CDKAL1: variants seen among roughly 807,000 people sequenced by gnomAD.
CDKAL1 encodes the protein threonylcarbamoyladenosine tRNA methylthiotransferase.
In CDKAL1, 32 loss-of-function variants were observed where a neutral mutation model predicts 68.2. The observed-to-expected ratio is 0.47, with a 90% confidence interval of 0.35 to 0.63. The LOEUF (loss-of-function observed/expected upper bound fraction) is 0.63. CDKAL1 is among the 30% of genes least tolerant of loss of function. The probability of loss-of-function intolerance (pLI) is 0.00; values close to 1 mark genes in which losing one functional copy is unlikely to be tolerated. For synonymous variants in CDKAL1, 234 were observed against 244.3 expected (o/e 0.96, Z 0.39); for missense variants, 606 against 696.7 (o/e 0.87, Z 1.47).
At chr6:20,953,208 T>G (rs1581903791) in intron 9 of CDKAL1, among the ~76,000 whole-genome samples, 1 of 152,302 alleles carries the variant, frequency 6.6e-6, no homozygotes, top group Middle Eastern at 3.4e-3. Context: ...AATTTGAGGT[T>G]TCAGCCCACC....
At chr6:20,732,473 G>A (rs1581468675) in intron 5 of CDKAL1, among the ~76,000 whole-genome samples, 1 of 148,164 alleles carries the variant, frequency 6.7e-6, no homozygotes, top group Admixed American at 6.7e-5. Context: ...TTTTAGTAGA[G>A]ATCGGGTTTC....
chr6:21,193,987 A>G (rs373273110), intron 13 of CDKAL1, among the ~76,000 whole-genome samples: 1 of 152,220 alleles, frequency 6.6e-6, no homozygotes, highest in Non-Finnish European at 1.5e-5. Flanking sequence ...CAGGCAACCC[A>G]TTTAGTGAGG....
chr6:21,104,466 C>T (rs1359789782), intron 12 of CDKAL1, among the ~76,000 whole-genome samples: 2 of 151,722 alleles, frequency 1.3e-5, no homozygotes, highest in Non-Finnish European at 2.9e-5. Flanking sequence ...CTATAAAGGG[C>T]CAGATAGTAA....
At chr6:20,665,061 A>G (rs2127774319) in intron 5 of CDKAL1, among the ~76,000 whole-genome samples, 1 of 152,152 alleles carries the variant, frequency 6.6e-6, no homozygotes, top group Non-Finnish European at 1.5e-5. Flanking sequence ...GTTGTGCTGT[A>G]TAGATGGGGT....
intron 12 of CDKAL1, among the ~76,000 whole-genome samples, chr6:21,066,732 C>T (rs539579205): frequency 6.6e-6 from 1 of 152,306 alleles, no homozygotes; most frequent in South Asian, 2.1e-4. Context: ...AGCAGTCCTT[C>T]CACCTCAGCA....
At chr6:20,753,218 C>G (rs1774006151) in intron 6 of CDKAL1, among the ~76,000 whole-genome samples, 1 of 152,026 alleles carries the variant, frequency 6.6e-6, no homozygotes, top group African/African-American at 2.4e-5. Flanking sequence ...GACATTGTCT[C>G]TGTAGATTTT....
chr6:20,869,117 A>C (rs929385415), intron 9 of CDKAL1, among the ~76,000 whole-genome samples: 1 of 152,192 alleles, frequency 6.6e-6, no homozygotes, highest in African/African-American at 2.4e-5. Context: ...TCATCTGTTC[A>C]GTATCTCATC....
chr6:20,992,997 C>T (rs1181584857), intron 10 of CDKAL1, among the ~76,000 whole-genome samples: 1 of 151,818 alleles, frequency 6.6e-6, no homozygotes, highest in Non-Finnish European at 1.5e-5. Context: ...AAACAAGTCA[C>T]ATATTATATG....
chr6:20,604,767 G>A (rs115040668), intron 4 of CDKAL1, among the ~76,000 whole-genome samples: 27 of 152,364 alleles, frequency 1.8e-4, no homozygotes, highest in African/African-American at 6.3e-4. Flanking sequence ...TTTACAAGAT[G>A]TAGTATACAA....
At chr6:20,744,300 A>G (rs554117217) in intron 6 of CDKAL1, among the ~76,000 whole-genome samples, 1 of 152,342 alleles carries the variant, frequency 6.6e-6, no homozygotes, top group South Asian at 2.1e-4. Flanking sequence ...CAGTAAAAAA[A>G]GAGTAGTAGA....
intron 9 of CDKAL1, among the ~76,000 whole-genome samples, chr6:20,899,840 C>T (rs539061955): frequency 7.2e-5 from 11 of 152,232 alleles, no homozygotes; most frequent in African/African-American, 2.4e-4. Flanking sequence ...GAAACTCCGT[C>T]TCAAAAAAAC....
chr6:21,189,110 G>C (rs1778135479), intron 13 of CDKAL1, among the ~76,000 whole-genome samples: 1 of 152,296 alleles, frequency 6.6e-6, no homozygotes, highest in African/African-American at 2.4e-5. Context: ...TCTTACTGGG[G>C]TAGACACGGC....
At position 21,113,016 on chromosome 6, in the gene CDKAL1, A is replaced by G. The variant is rs1774200434; in HGVS notation, c.1299+4553A>G. 2.0e-5 allele frequency among the ~76,000 whole-genome samples: 3 copies of G among 152,214 alleles called. 1 individual carries two copies. The highest frequency in any genetic ancestry group is 6.5e-5 in the Admixed American group (1 of 15,282). ...AAAGAGGGTAGTTATTGCTTCAAAA[A>G]GTCAGAGCTCTAGTAAGAAGTGACA... On this transcript the variant is annotated intron_variant, in intron 13 of 15. Transcript: ENST00000274695.
rs745786047 is a variant in CDKAL1, at chr6:20,603,768, ATTTTTTTTTT to A, written c.287-45508_287-45499del. ...ACATTGATTAATGGGCAGTTGCTAA[ATTTTTTTTTT>A]TTTTTTTTTTTTTTTTGAGACGGAG... On this transcript the variant is annotated intron_variant, in intron 4 of 15. Transcript: ENST00000274695. 8.8e-4 allele frequency among the ~76,000 whole-genome samples: 75 copies of A among 85,224 alleles called. 1 individual carries two copies. The highest frequency in any genetic ancestry group is 3.1e-3 in the African/African-American group (66 of 21,362). 55.9% of individuals were successfully genotyped at this position (85,224 alleles called of 152,430 possible).
chr6:20,570,085 TTTA>T (rs1764635486), intron 4 of CDKAL1, among the ~76,000 whole-genome samples: 1 of 151,956 alleles, frequency 6.6e-6, no homozygotes, highest in South Asian at 2.1e-4. Context: ...TATTTATTTA[TTTA>T]TTTTTATTTT....
At chr6:20,933,218 T>TC (rs1763550790) in intron 9 of CDKAL1, among the ~76,000 whole-genome samples, 4 of 152,210 alleles carry the variant, frequency 2.6e-5, no homozygotes, top group Non-Finnish European at 5.9e-5. Context: ...TGAATTTAAG[T>TC]ATTTACCTTA....
At chr6:20,651,046 T>C (rs1561997543) in intron 5 of CDKAL1, among the ~76,000 whole-genome samples, 1 of 152,166 alleles carries the variant, frequency 6.6e-6, no homozygotes, top group Non-Finnish European at 1.5e-5. Flanking sequence ...GGCTCTTTTT[T>C]GGTTTCATAT....
chr6:21,091,490 A>C (rs1292896859), intron 12 of CDKAL1, among the ~76,000 whole-genome samples: 1 of 152,224 alleles, frequency 6.6e-6, no homozygotes. Flanking sequence ...ACTACTTAAG[A>C]AGCAGCAGCT....
At position 20,884,583 on chromosome 6, in the gene CDKAL1, A is replaced by C. The variant is rs1461379694; in HGVS notation, c.742+38405A>C. 2.0e-5 allele frequency among the ~76,000 whole-genome samples: 3 copies of C among 152,240 alleles called. No homozygotes were observed. In the East Asian group the frequency reaches 5.8e-4, roughly 29 times the overall value. On this transcript the variant is annotated intron_variant, in intron 9 of 15. Transcript: ENST00000274695. ...AAAACAGTCTCTCTTCACAGATAAT[A>C]TGATCCTAAATATAGAAGATCCCAA...
Sources: gnomAD v4.1 joint callset for allele counts (sites outside exome capture counted in the v4.1 genomes callset) on GRCh38, gnomAD v4.1.1 for gene constraint, MANE v1.5 for transcripts, NCBI Gene and HGNC (gene_info 2026-07-23, HGNC 2026-07-21) for gene names.